GALNT14: variants seen among roughly 807,000 people sequenced by gnomAD.
GALNT14 encodes polypeptide N-acetylgalactosaminyltransferase 14, also known as UDP-GalNAc:polypeptide N-acetylgalactosaminyltransferase 14.
GALNT14 carries 60 observed loss-of-function variants against 77.5 expected under a neutral mutation model. The ratio of observed to expected loss-of-function variants is 0.77; its 90% CI spans 0.63 to 0.96. The LOEUF (loss-of-function observed/expected upper bound fraction) is 0.96, where lower values mean the gene tolerates loss of function less well. Ranked by LOEUF, GALNT14 falls within the 40% of genes least tolerant of loss-of-function variation. The pLI, the probability that GALNT14 is intolerant of heterozygous loss-of-function variation, is 0.00. For missense variants in GALNT14, 710 were observed against 731.0 expected (o/e 0.97, Z 0.33); for synonymous variants, 280 against 281.7 (o/e 0.99, Z 0.06).
chr2:31,068,847 C>T (rs1675160294), intron 1 of GALNT14, among the ~76,000 whole-genome samples: 1 of 152,338 alleles, frequency 6.6e-6, no homozygotes, highest in African/African-American at 2.4e-5. Flanking sequence ...GCACGTGCTA[C>T]AGCACAGATG....
At position 30,949,466 on chromosome 2, in the gene GALNT14, G is replaced by A. The variant is rs115106316; in HGVS notation, c.655-3596C>T. ...TCTTTAAAGCAAGGTCCATGCTTAG[G>A]CTCAAGCAGGCAGCTGGTGGAACCC... On this transcript the variant is annotated intron_variant, in intron 6 of 14. Coordinates refer to ENST00000349752, the MANE Select transcript of GALNT14 (RefSeq NM_024572.4). Among the ~76,000 whole-genome samples the A allele has an allele frequency of 1.7e-3, 259 of 152,216 alleles. 1 individual carries two copies. The highest frequency in any genetic ancestry group is 5.9e-3 in the African/African-American group (247 of 41,542).
intron 1 of GALNT14, among the ~76,000 whole-genome samples, chr2:31,097,109 C>A (rs1171676733): frequency 6.6e-6 from 1 of 152,036 alleles, no homozygotes; most frequent in Non-Finnish European, 1.5e-5. Flanking sequence ...TCAAGGCAAT[C>A]CTGCTTATGT....
intron 1 of GALNT14, among the ~76,000 whole-genome samples, chr2:31,068,346 G>A (rs1213533854): frequency 2.0e-5 from 3 of 151,892 alleles, no homozygotes; most frequent in Non-Finnish European, 2.9e-5. Context: ...AATTAGCCAC[G>A]TGGGGTGGTA....
intron 1 of GALNT14, among the ~76,000 whole-genome samples, chr2:31,069,770 C>T (rs544500171): frequency 2.0e-5 from 3 of 152,248 alleles, no homozygotes; most frequent in Admixed American, 6.5e-5. Flanking sequence ...TGGGCAACAA[C>T]GAGATGGATT....
At chr2:31,073,863 T>C (rs1675585623) in intron 1 of GALNT14, among the ~76,000 whole-genome samples, 1 of 152,138 alleles carries the variant, frequency 6.6e-6, no homozygotes, top group South Asian at 2.1e-4. Context: ...CGCTGGATGG[T>C]CCAAGTGAGA....
At chr2:30,920,555 A>G (rs1225153948) in intron 13 of GALNT14, among the ~76,000 whole-genome samples, 1 of 152,038 alleles carries the variant, frequency 6.6e-6, no homozygotes, top group African/African-American at 2.4e-5. Flanking sequence ...AAAACAGGAC[A>G]TTTACATGGG....
downstream of GALNT14, among the ~76,000 whole-genome samples, chr2:30,908,613 C>G (rs1472259287): frequency 0.025 from 2,604 of 102,342 alleles, no homozygotes; most frequent in South Asian, 0.035. Context: ...GAATCAATAT[C>G]ATGAAAATGG....
At chr2:30,948,287 C>G (rs1323409939) in intron 6 of GALNT14, among the ~76,000 whole-genome samples, 1 of 152,192 alleles carries the variant, frequency 6.6e-6, no homozygotes, top group Non-Finnish European at 1.5e-5. Flanking sequence ...TTAACCATGC[C>G]CAAAGATATG....
the GALNT14 span, among the ~76,000 whole-genome samples, chr2:30,902,446 A>G: frequency 6.6e-6 from 1 of 152,068 alleles, no homozygotes; most frequent in African/African-American, 2.4e-5. Flanking sequence ...ACTACCCTCC[A>G]CATCCTTTAA....
intron 12 of GALNT14, 114 bp downstream of exon 12, chr2:30,924,626 T>C (rs1172169923): frequency 2.7e-5 from 22 of 813,492 alleles, no homozygotes; most frequent in Non-Finnish European, 4.0e-5. Flanking sequence ...CTTACACCTC[T>C]GATATACATA....
chr2:30,929,595 G>T, intron 10 of GALNT14, 108 bp from the exon 11 acceptor site: 1 of 749,598 alleles, frequency 1.3e-6, no homozygotes, highest in East Asian at 2.8e-5. Flanking sequence ...ACACCACCTA[G>T]GTGGGGGCCA....
chr2:30,988,309 G>A (rs1049161786), intron 2 of GALNT14, among the ~76,000 whole-genome samples: 2 of 152,226 alleles, frequency 1.3e-5, no homozygotes, highest in Admixed American at 6.5e-5. Context: ...GGCCCACCAG[G>A]GGCAAAGACT....
intron 1 of GALNT14, among the ~76,000 whole-genome samples, chr2:31,048,716 C>T (rs1673647545): frequency 6.6e-6 from 1 of 152,026 alleles, no homozygotes; most frequent in African/African-American, 2.4e-5. Context: ...CACTTCTCTC[C>T]CCTGCCCACA....
At chr2:31,066,762 C>T (rs1015899839) in intron 1 of GALNT14, among the ~76,000 whole-genome samples, 7 of 151,992 alleles carry the variant, frequency 4.6e-5, no homozygotes, top group African/African-American at 1.7e-4. Flanking sequence ...CACCCCCCAC[C>T]CCCCACCAAG....
At chr2:31,070,978 T>G (rs1675327167) in intron 1 of GALNT14, among the ~76,000 whole-genome samples, 1 of 152,206 alleles carries the variant, frequency 6.6e-6, no homozygotes, top group African/African-American at 2.4e-5. Flanking sequence ...CACGGGATCA[T>G]TCTAAGTGAA....
At position 31,070,278 on chromosome 2, in the gene GALNT14, C is replaced by T. The variant is rs150557978; in HGVS notation, c.129+67680G>A. Among the ~76,000 whole-genome samples the T allele has an allele frequency of 3.6e-3, 542 of 152,312 alleles. 2 individuals carry two copies. Among genetic ancestry groups the T allele is most frequent in the Non-Finnish European group, 4.5e-3 (305 of 68,040 alleles). The stretch of plus-strand genomic sequence containing the variant: ...CTCACCCAGCTTCCAGAAAGGAGCC[C>T]ATAAACATAAGAGATCAGTTTTGGT... On this transcript the variant is annotated intron_variant, in intron 1 of 14. Transcript: ENST00000349752.
intron 1 of GALNT14, among the ~76,000 whole-genome samples, chr2:31,019,487 C>T (rs1339372454): frequency 6.6e-6 from 1 of 152,156 alleles, no homozygotes; most frequent in East Asian, 1.9e-4. Flanking sequence ...CTCTGAGAAG[C>T]TATCTGTGCT....
intron 11 of GALNT14, among the ~76,000 whole-genome samples, chr2:30,928,880 G>A (rs1214505466): frequency 2.0e-5 from 3 of 152,158 alleles, no homozygotes; most frequent in South Asian, 2.1e-4. Flanking sequence ...CTCCCAAAGT[G>A]CTGGGATTAC....
chr2:31,019,672 G>A (rs1276073901), intron 1 of GALNT14, among the ~76,000 whole-genome samples: 1 of 152,146 alleles, frequency 6.6e-6, no homozygotes, highest in African/African-American at 2.4e-5. Flanking sequence ...GGACCTTCCT[G>A]GGAGTGGCAG....
Sources: allele counts gnomAD v4.1 joint callset (sites outside exome capture counted in the v4.1 genomes callset), GRCh38; gene constraint gnomAD v4.1.1; transcripts MANE v1.5; gene names NCBI Gene and HGNC (gene_info 2026-07-23, HGNC 2026-07-21).